GPHN: variants seen among roughly 807,000 people sequenced by gnomAD.
GPHN encodes gephyrin.
Under a neutral mutation model 95.5 loss-of-function variants are expected in GPHN, and 17 were observed. The observed-to-expected ratio is 0.18, with a 90% CI of 0.12 to 0.27. GPHN has a LOEUF of 0.27. Ranked by LOEUF, GPHN falls within the 10% of genes least tolerant of loss-of-function variation. The pLI, the probability that GPHN is intolerant of heterozygous loss-of-function variation, is 1.00. For missense variants in GPHN, 660 were observed against 978.1 expected, an observed-to-expected ratio of 0.67 and a Z score of 4.34; for synonymous variants, 320 against 322.5, an observed-to-expected ratio of 0.99 and a Z score of 0.08.
At chr14:66,864,194 G>T (rs1311035227) in intron 4 of GPHN, among the ~76,000 whole-genome samples, 1 of 152,094 alleles carries the variant, frequency 6.6e-6, no homozygotes, top group Non-Finnish European at 1.5e-5. Flanking sequence ...TGTACAAATG[G>T]CAAACAGGAC....
At chr14:67,411,557 C>G in the GPHN span, among the ~76,000 whole-genome samples, 29 of 152,258 alleles carry the variant, frequency 1.9e-4, no homozygotes, top group South Asian at 6.0e-3. Context: ...CGTTTTCCCC[C>G]TTGATGAAAG....
chr14:67,468,721 C>T, the GPHN span, among the ~76,000 whole-genome samples: 17,131 of 152,018 alleles, frequency 0.11, 1,022 homozygotes, highest in Middle Eastern at 0.13. Flanking sequence ...TGGCAAAACC[C>T]CGTCTCTACT....
the GPHN span, among the ~76,000 whole-genome samples, chr14:67,343,807 T>C: frequency 1.2e-4 from 18 of 152,336 alleles, no homozygotes; most frequent in Non-Finnish European, 2.4e-4. Context: ...AGTGAGCTAT[T>C]ACTGTGCCAC....
At chr14:67,569,266 G>T in the GPHN span, 5 of 1,375,198 alleles carry the variant, frequency 3.6e-6, no homozygotes, top group Admixed American at 3.4e-5. Context: ...GGTGGGCAGG[G>T]TGGGCAAGCG....
Position 66,538,326 on chromosome 14 carries a change from G to GT in GPHN, c.64+29745dup, listed in dbSNP as rs889659243. On this transcript the variant is annotated intron_variant, in intron 1 of 22. Coordinates refer to ENST00000478722, the MANE Select transcript of GPHN (RefSeq NM_020806.5). ...ATGTTTGGGGTTTGCTGGGTTAATG[G>GT]TTTTTTTTTTATCAGCCTTGGAAAA... Among the ~76,000 whole-genome samples the GT allele has an allele frequency of 2.9e-3, 432 of 147,618 alleles. 2 individuals are homozygous for GT. Among genetic ancestry groups the GT allele is most frequent in the African/African-American group, 9.6e-3 (387 of 40,422 alleles).
chr14:67,721,894 C>T, the GPHN span, among the ~76,000 whole-genome samples: 7 of 152,052 alleles, frequency 4.6e-5, no homozygotes, highest in African/African-American at 1.5e-4. Flanking sequence ...ATAGATTCAG[C>T]GCTAGAGTCC....
intron 1 of GPHN, among the ~76,000 whole-genome samples, chr14:66,602,782 A>G (rs1010382236): frequency 1.3e-5 from 2 of 151,932 alleles, no homozygotes; most frequent in African/African-American, 4.8e-5. Flanking sequence ...TTGGATTCAT[A>G]TATATTAAGG....
At chr14:67,422,359 G>A in the GPHN span, among the ~76,000 whole-genome samples, 1 of 152,152 alleles carries the variant, frequency 6.6e-6, no homozygotes, top group East Asian at 1.9e-4. Flanking sequence ...CCACCCTGGT[G>A]TCTTCCCCCG....
chr14:66,630,489 AT>A (rs959693745), intron 1 of GPHN, among the ~76,000 whole-genome samples: 7 of 145,760 alleles, frequency 4.8e-5, no homozygotes, highest in Admixed American at 6.8e-5. Flanking sequence ...TGTTGTTGTT[AT>A]TTTTTTTTTA....
the GPHN span, among the ~76,000 whole-genome samples, chr14:67,435,249 G>A: frequency 6.6e-6 from 1 of 152,142 alleles, no homozygotes; most frequent in South Asian, 2.1e-4. Flanking sequence ...TTACAAGCCT[G>A]AGCCATCACG....
At chr14:67,130,091 G>A (rs1191153155) in intron 17 of GPHN, among the ~76,000 whole-genome samples, 1 of 151,756 alleles carries the variant, frequency 6.6e-6, no homozygotes, top group Non-Finnish European at 1.5e-5. Flanking sequence ...TCACTCAAAT[G>A]CATTCTTTAT....
At chr14:67,325,604 A>G in the GPHN span, among the ~76,000 whole-genome samples, 1 of 152,144 alleles carries the variant, frequency 6.6e-6, no homozygotes, top group East Asian at 1.9e-4. Context: ...TCCAATAACT[A>G]CTTTGGTAGA....
chr14:66,852,581 G>T (rs1477303326), intron 4 of GPHN, among the ~76,000 whole-genome samples: 4 of 152,100 alleles, frequency 2.6e-5, no homozygotes, highest in African/African-American at 9.7e-5. Flanking sequence ...TATTTTGTTT[G>T]TGCATGCATG....
the GPHN span, chr14:67,692,848 TG>T: frequency 9.3e-7 from 1 of 1,077,476 alleles, no homozygotes; most frequent in Non-Finnish European, 1.4e-6. Flanking sequence ...ATTCCAAAAC[TG>T]GGAAGAAACA....
intron 2 of GPHN, among the ~76,000 whole-genome samples, chr14:66,714,915 C>G (rs2070023403): frequency 6.6e-6 from 1 of 152,066 alleles, no homozygotes; most frequent in East Asian, 1.9e-4. Flanking sequence ...CGATGTTCTT[C>G]AGGGATATTG....
the GPHN span, among the ~76,000 whole-genome samples, chr14:67,443,462 A>G: frequency 5.9e-5 from 9 of 152,268 alleles, no homozygotes; most frequent in African/African-American, 1.9e-4. Flanking sequence ...AGCCGATGGC[A>G]AGGCACAAAG....
At chr14:66,641,623 A>G (rs1364893767) in intron 1 of GPHN, among the ~76,000 whole-genome samples, 5 of 151,670 alleles carry the variant, frequency 3.3e-5, no homozygotes, top group Non-Finnish European at 7.4e-5. Context: ...AGTAGTACCA[A>G]CCATCAATAG....
the GPHN span, among the ~76,000 whole-genome samples, chr14:67,539,084 C>T: frequency 6.6e-6 from 1 of 152,242 alleles, no homozygotes; most frequent in South Asian, 2.1e-4. Context: ...TATTTCTTAG[C>T]CCTGAACTGA....
chr14:67,293,842 G>C, the GPHN span, among the ~76,000 whole-genome samples: 1 of 152,292 alleles, frequency 6.6e-6, no homozygotes, highest in South Asian at 2.1e-4. Flanking sequence ...GGTTTGTCCA[G>C]CTGGCTACTG....
Sources: gnomAD v4.1 joint callset for allele counts (sites outside exome capture counted in the v4.1 genomes callset) on GRCh38, gnomAD v4.1.1 for gene constraint, MANE v1.5 for transcripts, NCBI Gene and HGNC (gene_info 2026-07-23, HGNC 2026-07-21) for gene names.